Variants in CTNNBL1 observed in about 807,000 individuals in gnomAD.
CTNNBL1 encodes the protein catenin beta like 1, also known as beta-catenin-like protein 1.
A neutral mutation model predicts 72.7 loss-of-function variants in CTNNBL1; 31 were observed. The ratio of observed to expected loss-of-function variants is 0.43; its 90% confidence interval spans 0.32 to 0.58. The LOEUF is 0.58. Among genes scored for constraint, CTNNBL1 ranks in the 20% least tolerant of loss-of-function variants. CTNNBL1 has a pLI of 0.08. For synonymous variants in CTNNBL1, 240 were observed against 267.3 expected (o/e 0.90, Z 1.00); for missense variants, 534 against 725.1 (o/e 0.74, Z 3.03).
At position 37,840,700 on chromosome 20, in the gene CTNNBL1, G is replaced by A. The variant is rs557894086; in HGVS notation, c.1311+501G>A. Among the ~76,000 whole-genome samples the A allele has an allele frequency of 6.8e-4, 103 of 152,352 alleles. 1 individual carries two copies. Among genetic ancestry groups the A allele is most frequent in the Middle Eastern group, 3.4e-3 (1 of 294 alleles). On this transcript the variant is annotated intron_variant, in intron 12 of 15. Coordinates refer to ENST00000361383, the MANE Select transcript of CTNNBL1 (RefSeq NM_030877.5). ...GTAATAAAATGAAGATAATGATAAG[G>A]AAATGGTAGAGCCTGCCCTAAATGG...
chr20:37,830,001 T>C (rs2122788719), intron 11 of CTNNBL1, among the ~76,000 whole-genome samples: 1 of 152,144 alleles, frequency 6.6e-6, no homozygotes, highest in East Asian at 1.9e-4. Flanking sequence ...CCAGCTAATT[T>C]TGGTATTTTT....
chr20:37,819,597 A>G (rs143454840), intron 11 of CTNNBL1, among the ~76,000 whole-genome samples: 3,821 of 152,308 alleles, frequency 0.025, 65 homozygotes, highest in Non-Finnish European at 0.042. Flanking sequence ...TGTTTCTCAA[A>G]TAAACCCCTT....
chr20:37,859,755 G>A, intron 13 of CTNNBL1, 144 bp from the exon 14 acceptor site: 2 of 764,836 alleles, frequency 2.6e-6, no homozygotes, highest in East Asian at 2.7e-5. Flanking sequence ...AAAGGGAGAT[G>A]TAGACAAATC....
At chr20:37,761,660 A>T (rs1003781186) in intron 5 of CTNNBL1, among the ~76,000 whole-genome samples, 5 of 152,246 alleles carry the variant, frequency 3.3e-5, no homozygotes, top group African/African-American at 1.2e-4. Context: ...GCTTTTGTGG[A>T]GCTCACAAGG....
intron 7 of CTNNBL1, among the ~76,000 whole-genome samples, chr20:37,776,039 C>G (rs766246116): frequency 4.6e-5 from 7 of 152,222 alleles, no homozygotes; most frequent in Non-Finnish European, 7.3e-5. Context: ...CTTGGCTTTT[C>G]ACCTTCATGT....
chr20:37,815,149 T>C (rs2072045115), intron 11 of CTNNBL1, among the ~76,000 whole-genome samples: 2 of 151,808 alleles, frequency 1.3e-5, no homozygotes. Flanking sequence ...CTGTTTTTAC[T>C]CACTGCATCT....
At chr20:37,752,517 G>A (rs550744591) in intron 4 of CTNNBL1, among the ~76,000 whole-genome samples, 12 of 149,844 alleles carry the variant, frequency 8.0e-5, no homozygotes, top group African/African-American at 2.7e-4. Context: ...TTTTTGAAAT[G>A]ACTTTTAAAA....
At chr20:37,738,943 G>T (rs139588941) in intron 3 of CTNNBL1, among the ~76,000 whole-genome samples, 2 of 152,260 alleles carry the variant, frequency 1.3e-5, no homozygotes, top group Middle Eastern at 3.4e-3. Flanking sequence ...AAGGCAGAGT[G>T]GGGAGAATGT....
rs541120236 is a variant in CTNNBL1, at chr20:37,852,105, G to T, written c.1393-7794G>T. On this transcript the variant is annotated intron_variant, in intron 13 of 15. Transcript: ENST00000361383. ...TTGTCATTGCTTCACAAAGAAGGCA[G>T]TCACCTTCAGGCTCTTCAAAGGTGA... Among the ~76,000 whole-genome samples, 3 of 152,358 alleles carry T rather than the reference G, an allele frequency of 2.0e-5. No homozygotes were observed. In the South Asian group the frequency reaches 6.2e-4, roughly 32 times the overall value.
At chr20:37,804,171 T>G (rs2071931450) in intron 11 of CTNNBL1, among the ~76,000 whole-genome samples, 1 of 152,206 alleles carries the variant, frequency 6.6e-6, no homozygotes, top group South Asian at 2.1e-4. Context: ...GACTTCAGTT[T>G]AACTCATTTT....
At chr20:37,806,262 T>C (rs111538427) in intron 11 of CTNNBL1, among the ~76,000 whole-genome samples, 14 of 152,334 alleles carry the variant, frequency 9.2e-5, no homozygotes, top group Non-Finnish European at 1.6e-4. Context: ...GGTGGAACAC[T>C]GAGGCCTGGG....
At chr20:37,721,668 A>G (rs149992837) in intron 1 of CTNNBL1, among the ~76,000 whole-genome samples, 2 of 152,292 alleles carry the variant, frequency 1.3e-5, no homozygotes, top group Non-Finnish European at 2.9e-5. Flanking sequence ...TCTCTAATCC[A>G]GTTTCTCTCT....
At chr20:37,714,070 C>CT (rs1263128157) in intron 1 of CTNNBL1, among the ~76,000 whole-genome samples, 4 of 133,290 alleles carry the variant, frequency 3.0e-5, no homozygotes, top group African/African-American at 7.5e-5. Flanking sequence ...ATGAAGTACT[C>CT]TAAAAAAAAA....
chr20:37,809,305 T>C lies in CTNNBL1; in HGVS notation c.1213+6257T>C, dbSNP rs558213818. Among the ~76,000 whole-genome samples the C allele has an allele frequency of 2.0e-5, 3 of 152,322 alleles. No individual in the cohort carries two copies. In the East Asian group the frequency reaches 5.8e-4, roughly 29 times the overall value. The stretch of plus-strand genomic sequence containing the variant: ...AAATGCTTACAGAGGAAGACACTTC[T>C]GGTGGGAGGGAGATTATGGTACAGA... On this transcript the variant is annotated intron_variant, in intron 11 of 15. Transcript: ENST00000361383.
At chr20:37,774,253 GAGGGTGC>G (rs1281558206) in intron 7 of CTNNBL1, among the ~76,000 whole-genome samples, 1 of 152,140 alleles carries the variant, frequency 6.6e-6, no homozygotes, top group African/African-American at 2.4e-5. Context: ...GCCCTGCCAA[GAGGGTGC>G]AGCTATCCCC....
chr20:37,744,090 G>A (rs1443139206), intron 3 of CTNNBL1, among the ~76,000 whole-genome samples: 2 of 151,844 alleles, frequency 1.3e-5, no homozygotes, highest in African/African-American at 2.4e-5. Flanking sequence ...CTTAATATAC[G>A]GTGTTTATAA....
intron 11 of CTNNBL1, among the ~76,000 whole-genome samples, chr20:37,808,012 T>C (rs1037002259): frequency 6.6e-6 from 1 of 152,212 alleles, no homozygotes; most frequent in East Asian, 1.9e-4. Context: ...ATGTGAGTTA[T>C]TGAGTTTGTA....
chr20:37,828,261 G>A (rs1020485049), intron 11 of CTNNBL1, among the ~76,000 whole-genome samples: 2 of 152,146 alleles, frequency 1.3e-5, no homozygotes, highest in African/African-American at 4.8e-5. Flanking sequence ...AACACAGTAA[G>A]CTCTCACATG....
chr20:37,710,349 A>C (rs2072926648), intron 1 of CTNNBL1, among the ~76,000 whole-genome samples: 1 of 152,196 alleles, frequency 6.6e-6, no homozygotes, highest in Non-Finnish European at 1.5e-5. Flanking sequence ...TATGATATCT[A>C]ACCTCTAAGG....
Sources: allele counts gnomAD v4.1 joint callset (sites outside exome capture counted in the v4.1 genomes callset), GRCh38; gene constraint gnomAD v4.1.1; transcripts MANE v1.5; gene names NCBI Gene and HGNC (gene_info 2026-07-23, HGNC 2026-07-21).